Variants in TTC39C observed in about 807,000 individuals in gnomAD.
TTC39C encodes tetratricopeptide repeat protein 39C.
TTC39C carries 33 observed loss-of-function variants against 76.3 expected under a neutral mutation model. The ratio of observed to expected loss-of-function variants is 0.43; its 90% CI spans 0.33 to 0.58. TTC39C has a LOEUF of 0.58. TTC39C is among the 20% of genes least tolerant of loss of function. The pLI is 0.04. For synonymous variants in TTC39C, 254 were observed against 260.6 expected (o/e 0.97, Z 0.24); for missense variants, 595 against 701.4 (o/e 0.85, Z 1.71).
intron 1 of TTC39C, among the ~76,000 whole-genome samples, chr18:24,033,548 C>A (rs911096581): frequency 2.6e-5 from 4 of 152,234 alleles, no homozygotes; most frequent in Non-Finnish European, 4.4e-5. Context: ...CTGTAAGAAT[C>A]CTCTGGGTTC....
chr18:24,028,842 C>A (rs2083629609), intron 1 of TTC39C, among the ~76,000 whole-genome samples: 1 of 151,472 alleles, frequency 6.6e-6, no homozygotes, highest in Admixed American at 6.6e-5. Context: ...CCTGTTTCAG[C>A]CTCCTGAGTA....
intron 1 of TTC39C, among the ~76,000 whole-genome samples, chr18:23,995,446 G>A (rs2083253635): frequency 6.6e-6 from 1 of 151,938 alleles, no homozygotes; most frequent in East Asian, 1.9e-4. Flanking sequence ...CTTCAGCTTG[G>A]GCGACAGAGT....
intron 1 of TTC39C, among the ~76,000 whole-genome samples, chr18:24,055,106 C>A (rs557291214): frequency 6.6e-6 from 1 of 152,268 alleles, no homozygotes; most frequent in African/African-American, 2.4e-5. Context: ...TGGTATTCCA[C>A]TGTATGTATA....
intron 4 of TTC39C, among the ~76,000 whole-genome samples, chr18:24,079,797 T>G (rs558929429): frequency 2.1e-5 from 2 of 97,200 alleles, no homozygotes; most frequent in South Asian, 8.7e-4. Context: ...GGTATACATT[T>G]TTTTCTTTCT....
chr18:24,031,201 G>A (rs373618397), intron 1 of TTC39C, among the ~76,000 whole-genome samples: 86 of 151,622 alleles, frequency 5.7e-4, no homozygotes, highest in African/African-American at 2.0e-3. Context: ...CAAGTGATCC[G>A]GCTGCCTTGG....
intron 1 of TTC39C, among the ~76,000 whole-genome samples, chr18:24,026,406 G>A (rs1425448307): frequency 1.3e-5 from 2 of 152,184 alleles, no homozygotes; most frequent in East Asian, 3.8e-4. Context: ...GTCTTTAGAA[G>A]CATGGGATGC....
Position 24,020,577 on chromosome 18 carries a change from C to T in TTC39C, c.167+5539C>T, listed in dbSNP as rs1452404250. ...TGCTCAAATCCCTGATAGAAAATGG[C>T]GCAGTATTTGCGTATCACCTACACA... On this transcript the variant is annotated intron_variant, in intron 1 of 13. Coordinates refer to ENST00000317571, the MANE Select transcript of TTC39C (RefSeq NM_001135993.2). Among the ~76,000 whole-genome samples, 10 of 152,140 alleles carry T rather than the reference C, an allele frequency of 6.6e-5. No homozygotes were observed. The South Asian group carries it at 8.3e-4, about 13-fold the overall frequency.
intron 4 of TTC39C, among the ~76,000 whole-genome samples, chr18:24,076,620 A>G (rs1423698235): frequency 6.6e-6 from 1 of 151,082 alleles, no homozygotes; most frequent in Non-Finnish European, 1.5e-5. Context: ...AGTCCCGAGA[A>G]CCTGTTTCAG....
chr18:24,119,885 G>GCCCAAAA (rs1453475718), intron 8 of TTC39C, among the ~76,000 whole-genome samples: 3 of 152,110 alleles, frequency 2.0e-5, no homozygotes, highest in Non-Finnish European at 4.4e-5. Context: ...GTCGATGGTG[G>GCCCAAAA]ACAGCTATTT....
intron 1 of TTC39C, among the ~76,000 whole-genome samples, chr18:24,024,610 T>C (rs984751814): frequency 6.6e-6 from 1 of 152,184 alleles, no homozygotes; most frequent in Non-Finnish European, 1.5e-5. Flanking sequence ...CAGGCCTTCT[T>C]TGTCAGGATG....
intron 1 of TTC39C, among the ~76,000 whole-genome samples, chr18:24,059,198 T>C (rs2145723458): frequency 6.6e-6 from 1 of 152,322 alleles, no homozygotes; most frequent in East Asian, 1.9e-4. Flanking sequence ...TACTTTTCCA[T>C]ATAAATTTGT....
At chr18:24,035,843 G>T (rs1318855801) in intron 1 of TTC39C, among the ~76,000 whole-genome samples, 1 of 152,162 alleles carries the variant, frequency 6.6e-6, no homozygotes, top group Non-Finnish European at 1.5e-5. Flanking sequence ...TCACATCCAA[G>T]AAACCATTGC....
intron 6 of TTC39C, chr18:24,113,797 C>A (rs1599338653): frequency 1.5e-6 from 1 of 660,568 alleles, no homozygotes; most frequent in Non-Finnish European, 2.8e-6. Flanking sequence ...TCTTCAGCGG[C>A]GGGAAAACGA....
chr18:24,097,802 A>G (rs1052521450), intron 6 of TTC39C, among the ~76,000 whole-genome samples: 2 of 152,108 alleles, frequency 1.3e-5, no homozygotes, highest in South Asian at 4.1e-4. Flanking sequence ...CATAGGTTTT[A>G]TGTTTGTTCT....
intron 7 of TTC39C, among the ~76,000 whole-genome samples, chr18:24,115,212 G>A (rs146615929): frequency 6.6e-6 from 1 of 152,276 alleles, no homozygotes; most frequent in East Asian, 1.9e-4. Flanking sequence ...CTCCCTTACT[G>A]GAGAGACAGT....
At chr18:24,061,010 G>T (rs1156428419) in intron 1 of TTC39C, among the ~76,000 whole-genome samples, 1 of 151,994 alleles carries the variant, frequency 6.6e-6, no homozygotes, top group Non-Finnish European at 1.5e-5. Flanking sequence ...GACTTTAGGG[G>T]TTGCATTATT....
chr18:24,094,081 C>T (rs1391946345), intron 6 of TTC39C, among the ~76,000 whole-genome samples: 2 of 152,218 alleles, frequency 1.3e-5, no homozygotes, highest in African/African-American at 4.8e-5. Context: ...CTTACCACTG[C>T]CTTATCAACT....
At chr18:24,118,279 A>G (rs775323955) in intron 8 of TTC39C, 47 bp downstream of exon 8, 1 of 1,497,360 alleles carries the variant, frequency 6.7e-7, no homozygotes. Context: ...GTCGTGAATT[A>G]GCTCGCCTGA....
intron 4 of TTC39C, among the ~76,000 whole-genome samples, chr18:24,072,360 C>G (rs532826897): frequency 7.0e-4 from 106 of 151,642 alleles, no homozygotes; most frequent in Admixed American, 2.3e-3. Flanking sequence ...GTGGCACAAT[C>G]TCGGCTCACA....
Sources: gnomAD v4.1 joint callset for allele counts (sites outside exome capture counted in the v4.1 genomes callset) on GRCh38, gnomAD v4.1.1 for gene constraint, MANE v1.5 for transcripts, NCBI Gene and HGNC (gene_info 2026-07-23, HGNC 2026-07-21) for gene names.